FOXN3: variants seen among roughly 807,000 people sequenced by gnomAD.
FOXN3 encodes the protein forkhead box N3.
FOXN3 carries 7 observed loss-of-function variants against 38.4 expected under a neutral mutation model. The ratio of observed to expected loss-of-function variants is 0.18; its 90% confidence interval spans 0.10 to 0.34. The LOEUF (loss-of-function observed/expected upper bound fraction) is 0.34, where lower values mean the gene tolerates loss of function less well. Among genes scored for constraint, FOXN3 ranks in the 10% least tolerant of loss-of-function variants. FOXN3 has a pLI of 1.00. For synonymous variants in FOXN3, 230 were observed against 242.2 expected, an observed-to-expected ratio of 0.95 and a Z score of 0.47; for missense variants, 456 against 613.4, an observed-to-expected ratio of 0.74 and a Z score of 2.71.
Position 89,158,506 on chromosome 14 carries a change from C to G in FOXN3, c.*3908G>C, listed in dbSNP as rs1174961934. 1 of 152,616 alleles carries G rather than the reference C, an allele frequency of 6.6e-6. No homozygotes were observed. Among genetic ancestry groups the G allele is most frequent in the Non-Finnish European group, 1.5e-5 (1 of 68,046 alleles). The allele number at this position is 152,616 out of a possible 1,614,324, so 9.5% of individuals were successfully genotyped here. On this transcript the variant is annotated 3_prime_UTR_variant, in exon 6 of 6. Transcript: ENST00000557258. ...TTTTGGCCATGGTTTTCTCCAACCA[C>G]CAGTGAAATATGGGTTTGGTTCATT...
At chr14:89,325,357 A>T (rs1485306251) in intron 3 of FOXN3, among the ~76,000 whole-genome samples, 2 of 116,178 alleles carry the variant, frequency 1.7e-5, no homozygotes, top group Non-Finnish European at 3.7e-5. Flanking sequence ...CACCACCACC[A>T]CCACTACCAC....
intron 3 of FOXN3, chr14:89,291,655 G>T (rs1358573247): frequency 4.4e-6 from 2 of 458,818 alleles, no homozygotes; most frequent in Admixed American, 2.6e-5. Context: ...GGCCACTCAT[G>T]CTCTCTTCCT....
intron 1 of FOXN3, among the ~76,000 whole-genome samples, chr14:89,557,175 A>C (rs1024458326): frequency 5.3e-5 from 8 of 152,206 alleles, no homozygotes; most frequent in African/African-American, 1.9e-4. Context: ...GCAGTTTTTC[A>C]TAAACCTGAA....
intron 1 of FOXN3, among the ~76,000 whole-genome samples, chr14:89,585,854 G>A (rs951294893): frequency 1.3e-5 from 2 of 152,076 alleles, no homozygotes; most frequent in Non-Finnish European, 2.9e-5. Flanking sequence ...GATGAAGAGC[G>A]TTTGGCAAAA....
chr14:89,463,784 CTTTT>C (rs33993052), intron 1 of FOXN3, among the ~76,000 whole-genome samples: 10 of 138,686 alleles, frequency 7.2e-5, no homozygotes, highest in East Asian at 2.2e-4. Context: ...GTCTCTCTCT[CTTTT>C]TTTTTTTTTT....
chr14:89,200,743 G>A (rs1347001286), intron 4 of FOXN3, among the ~76,000 whole-genome samples: 2 of 152,198 alleles, frequency 1.3e-5, no homozygotes, highest in African/African-American at 4.8e-5. Flanking sequence ...CAAAGCAAGT[G>A]AACGCATCAC....
In FOXN3 at chr14:89,538,988, C is replaced by T. The variant is rs987055105; in HGVS notation, c.-15+80040G>A. 7.2e-5 allele frequency among the ~76,000 whole-genome samples: 11 copies of T among 152,088 alleles called. No individual in the cohort carries two copies. The East Asian group carries it at 1.5e-3, about 21-fold the overall frequency. ...CCTCCTAAGTAGCTGGGATTATAGG[C>T]GCCCGCCACCACGTCTGGCTAATTT... On this transcript the variant is annotated intron_variant, in intron 1 of 6. Coordinates refer to the FOXN3 transcript ENST00000345097.
chr14:89,212,809 C>T (rs953723733), intron 4 of FOXN3, among the ~76,000 whole-genome samples: 2 of 152,274 alleles, frequency 1.3e-5, no homozygotes, highest in African/African-American at 4.8e-5. Flanking sequence ...CTGGAGGGCC[C>T]AAAGAGCTGT....
chr14:89,183,126 T>C (rs1008337265), intron 4 of FOXN3, among the ~76,000 whole-genome samples: 12 of 152,344 alleles, frequency 7.9e-5, no homozygotes, highest in South Asian at 2.1e-4. Context: ...TCTAAAACGA[T>C]AGGCTTTTTG....
chr14:89,439,554 T>C (rs1892335113), intron 1 of FOXN3, among the ~76,000 whole-genome samples: 1 of 152,022 alleles, frequency 6.6e-6, no homozygotes. Context: ...GAGAAATGAA[T>C]AATCCACATC....
At chr14:89,329,598 C>T (rs1446534983) in intron 3 of FOXN3, among the ~76,000 whole-genome samples, 1 of 152,164 alleles carries the variant, frequency 6.6e-6, no homozygotes, top group Non-Finnish European at 1.5e-5. Flanking sequence ...TGGCTCAAGC[C>T]TGTAATCCCA....
chr14:89,374,401 A>G (rs1377958345), intron 2 of FOXN3, among the ~76,000 whole-genome samples: 1 of 152,114 alleles, frequency 6.6e-6, no homozygotes, highest in African/African-American at 2.4e-5. Context: ...TACTTGTATG[A>G]CCCACCAATC....
At chr14:89,285,083 T>C (rs1248172096) in intron 3 of FOXN3, among the ~76,000 whole-genome samples, 1 of 152,176 alleles carries the variant, frequency 6.6e-6, no homozygotes, top group African/African-American at 2.4e-5. Flanking sequence ...CCACCTGGAT[T>C]ATAAACCAAG....
At chr14:89,297,559 C>CAAAA (rs919496715) in intron 3 of FOXN3, among the ~76,000 whole-genome samples, 2 of 103,556 alleles carry the variant, frequency 1.9e-5, no homozygotes, top group African/African-American at 3.6e-5. Context: ...GACTCCCTTT[C>CAAAA]AAAAAAAAAA....
chr14:89,602,095 C>A (rs557946522), intron 1 of FOXN3, among the ~76,000 whole-genome samples: 1 of 152,074 alleles, frequency 6.6e-6, no homozygotes, highest in Non-Finnish European at 1.5e-5. Context: ...AAAACCTGAG[C>A]CTGGTCAACA....
chr14:89,335,710 C>T (rs2139992413), intron 3 of FOXN3, among the ~76,000 whole-genome samples: 1 of 152,254 alleles, frequency 6.6e-6, no homozygotes, highest in Admixed American at 6.5e-5. Context: ...CAAATATTTA[C>T]TGTGTACAAT....
At chr14:89,408,418 C>T (rs1468000854) in intron 2 of FOXN3, among the ~76,000 whole-genome samples, 2 of 151,828 alleles carry the variant, frequency 1.3e-5, no homozygotes, top group Non-Finnish European at 2.9e-5. Context: ...CCATCATGCT[C>T]AGCCAATTAT....
chr14:89,609,092 A>G (rs1442315229), intron 1 of FOXN3, among the ~76,000 whole-genome samples: 1 of 152,202 alleles, frequency 6.6e-6, no homozygotes, highest in Non-Finnish European at 1.5e-5. Flanking sequence ...AGAGACACTG[A>G]CTAGATCCTG....
At chr14:89,450,753 T>C (rs761745336) in intron 1 of FOXN3, among the ~76,000 whole-genome samples, 46 of 152,192 alleles carry the variant, frequency 3.0e-4, no homozygotes, top group Non-Finnish European at 3.8e-4. Context: ...ACCTGGCTAA[T>C]TTTTTGTATT....
Sources: gnomAD v4.1 joint callset for allele counts (sites outside exome capture counted in the v4.1 genomes callset) on GRCh38, gnomAD v4.1.1 for gene constraint, MANE v1.5 for transcripts, NCBI Gene and HGNC (gene_info 2026-07-23, HGNC 2026-07-21) for gene names.